STAU1: variants seen among roughly 807,000 people sequenced by gnomAD.
STAU1 encodes the protein double-stranded RNA-binding protein Staufen homolog 1.
In STAU1, 13 loss-of-function variants were observed where a neutral mutation model predicts 62.9. That is an observed-to-expected ratio of 0.21 (90% CI 0.13 to 0.33). The LOEUF (loss-of-function observed/expected upper bound fraction) is 0.33. Ranked by LOEUF, STAU1 falls within the 10% of genes least tolerant of loss-of-function variation. The probability of loss-of-function intolerance (pLI) is 1.00; values close to 1 mark genes in which losing one functional copy is unlikely to be tolerated. For synonymous variants in STAU1, 269 were observed against 265.1 expected, an observed-to-expected ratio of 1.01 and a Z score of -0.14; for missense variants, 571 against 712.1, an observed-to-expected ratio of 0.80 and a Z score of 2.25.
chr20:49,204,642 A>T, the STAU1 span, among the ~76,000 whole-genome samples: 196 of 50,376 alleles, frequency 3.9e-3, 2 homozygotes, highest in East Asian at 5.2e-3. Context: ...ATATATATAT[A>T]TATATTTTTT....
At chr20:49,195,032 CTT>C in the STAU1 span, among the ~76,000 whole-genome samples, 2 of 152,064 alleles carry the variant, frequency 1.3e-5, no homozygotes, top group Non-Finnish European at 2.9e-5. Context: ...GGAGAAGACT[CTT>C]TTAACTATAA....
upstream of STAU1, among the ~76,000 whole-genome samples, chr20:49,189,201 C>CAAAAAAAAAA (rs545643816): frequency 5.9e-5 from 2 of 33,622 alleles, no homozygotes; most frequent in Non-Finnish European, 1.0e-4. Context: ...ACACTGGTCT[C>CAAAAAAAAAA]AAAAAAAAAA....
intron 3 of STAU1, among the ~76,000 whole-genome samples, chr20:49,155,066 A>G (rs940810673): frequency 1.4e-5 from 2 of 145,542 alleles, no homozygotes; most frequent in Admixed American, 6.9e-5. Flanking sequence ...AGATGAGGAA[A>G]CAAGAGCAAA....
At chr20:49,193,464 A>C in the STAU1 span, among the ~76,000 whole-genome samples, 32 of 152,344 alleles carry the variant, frequency 2.1e-4, no homozygotes, top group Admixed American at 2.0e-3. Flanking sequence ...CAAGGTCAAG[A>C]GATAGAGACC....
the STAU1 span, among the ~76,000 whole-genome samples, chr20:49,208,917 C>T: frequency 6.7e-6 from 1 of 149,766 alleles, no homozygotes; most frequent in Non-Finnish European, 1.5e-5. Flanking sequence ...CCACTGCGCC[C>T]GGCCGATCCT....
At chr20:49,122,083 C>T (rs893034564) in intron 8 of STAU1, among the ~76,000 whole-genome samples, 4 of 152,182 alleles carry the variant, frequency 2.6e-5, no homozygotes, top group African/African-American at 9.7e-5. Context: ...GTAAAATATA[C>T]GAGGTCAACT....
At chr20:49,186,050 C>T (rs1476927997) in intron 1 of STAU1, among the ~76,000 whole-genome samples, 1 of 152,100 alleles carries the variant, frequency 6.6e-6, no homozygotes, top group South Asian at 2.1e-4. Flanking sequence ...CCACCCGCCT[C>T]GGCCTCCCAA....
At chr20:49,212,960 T>C in the STAU1 span, among the ~76,000 whole-genome samples, 1 of 152,060 alleles carries the variant, frequency 6.6e-6, no homozygotes, top group East Asian at 1.9e-4. Flanking sequence ...GAGCAACCAT[T>C]TGTTGCTTAA....
intron 8 of STAU1, among the ~76,000 whole-genome samples, chr20:49,122,056 A>G (rs1265370947): frequency 6.6e-6 from 1 of 152,204 alleles, no homozygotes; most frequent in African/African-American, 2.4e-5. Context: ...TTCTTTTCCT[A>G]CCTTCTGACT....
the STAU1 span, among the ~76,000 whole-genome samples, chr20:49,196,425 AC>A: frequency 6.9e-6 from 1 of 144,762 alleles, no homozygotes; most frequent in African/African-American, 2.6e-5. Flanking sequence ...CGACAGCGAG[AC>A]TCCGTCTCAA....
At chr20:49,204,929 C>T in the STAU1 span, among the ~76,000 whole-genome samples, 3 of 151,660 alleles carry the variant, frequency 2.0e-5, no homozygotes, top group East Asian at 1.9e-4. Context: ...GGATTACAGG[C>T]GTGAGCCACT....
the STAU1 span, among the ~76,000 whole-genome samples, chr20:49,198,262 T>C: frequency 6.6e-6 from 1 of 152,196 alleles, no homozygotes; most frequent in South Asian, 2.1e-4. Flanking sequence ...ACGACTGTAA[T>C]GCCAGCACTT....
intron 4 of STAU1, among the ~76,000 whole-genome samples, chr20:49,152,753 C>A (rs887299011): frequency 6.6e-6 from 1 of 152,138 alleles, no homozygotes; most frequent in South Asian, 2.1e-4. Flanking sequence ...GTTCAAAAGT[C>A]AAAAAGTACC....
At chr20:49,134,180 C>T (rs2092816386) in intron 6 of STAU1, among the ~76,000 whole-genome samples, 1 of 151,954 alleles carries the variant, frequency 6.6e-6, no homozygotes, top group Non-Finnish European at 1.5e-5. Flanking sequence ...GCCTGTAATC[C>T]CAGCACTTTG....
chr20:49,203,799 G>A, the STAU1 span, among the ~76,000 whole-genome samples: 2 of 152,204 alleles, frequency 1.3e-5, no homozygotes, highest in African/African-American at 4.8e-5. Context: ...CAAATCCCCT[G>A]CTTCAGCTTC....
chr20:49,137,994 G>A (rs1157964565), intron 5 of STAU1, among the ~76,000 whole-genome samples: 4 of 152,074 alleles, frequency 2.6e-5, no homozygotes, highest in African/African-American at 7.2e-5. Flanking sequence ...AATATTAAAA[G>A]CTGTAATTGG....
At chr20:49,118,292 GA>G in intron 10 of STAU1, 40 bp downstream of exon 10, 1 of 1,573,036 alleles carries the variant, frequency 6.4e-7, no homozygotes, top group Non-Finnish European at 8.7e-7. Flanking sequence ...GCAAATCCCA[GA>G]ATCACGTTCA....
At chr20:49,118,256 G>A in intron 10 of STAU1, 77 bp downstream of exon 10, 2 of 1,440,460 alleles carry the variant, frequency 1.4e-6, no homozygotes, top group East Asian at 2.3e-5. Flanking sequence ...TCACTGGCTG[G>A]GCTCCTGCTG....
intron 1 of STAU1, among the ~76,000 whole-genome samples, chr20:49,187,834 C>T (rs2093809604): frequency 6.6e-6 from 1 of 151,360 alleles, no homozygotes; most frequent in Non-Finnish European, 1.5e-5. Flanking sequence ...CCCGCGCGCG[C>T]CATGCGGGAC....
Sources: allele counts gnomAD v4.1 joint callset (sites outside exome capture counted in the v4.1 genomes callset), GRCh38; gene constraint gnomAD v4.1.1; transcripts MANE v1.5; gene names NCBI Gene and HGNC (gene_info 2026-07-23, HGNC 2026-07-21).